Variants in INPP4B observed in about 807,000 individuals in gnomAD.
INPP4B encodes inositol polyphosphate-4-phosphatase type II B.
Under a neutral mutation model 122.5 loss-of-function variants are expected in INPP4B, and 55 were observed. The observed-to-expected ratio is 0.45, with a 90% confidence interval of 0.36 to 0.56. The LOEUF is 0.56. INPP4B is among the 20% of genes least tolerant of loss of function. The pLI, the probability that INPP4B is intolerant of heterozygous loss-of-function variation, is 0.00. For synonymous variants in INPP4B, 403 were observed against 388.7 expected (o/e 1.04, Z -0.43); for missense variants, 1,000 against 1,097.7 (o/e 0.91, Z 1.26).
intron 1 of INPP4B, among the ~76,000 whole-genome samples, chr4:142,790,528 C>T (rs1485263653): frequency 6.6e-6 from 1 of 151,972 alleles, no homozygotes; most frequent in African/African-American, 2.4e-5. Flanking sequence ...CCACCTTACT[C>T]CTGCAAAAAT....
Position 142,208,479 on chromosome 4 carries a change from C to T in INPP4B, c.1018G>A (p.Val340Ile). 3 of 1,601,876 alleles carry T rather than the reference C, an allele frequency of 1.9e-6. No homozygotes were observed. The highest frequency in any genetic ancestry group is 2.6e-6 in the Non-Finnish European group (3 of 1,173,902). ...CTTTGCAGATGTAGATTTATTGGAACAAATTCTAATGTTTTCTCTCCTTTG... is the reference window on the plus strand; with the variant it reads ...CTTTGCAGATGTAGATTTATTGGAATAAATTCTAATGTTTTCTCTCCTTTG... ...SSKGEKTLEF[V>I]PINLHLQRMQ... The change falls in exon 14 of 26, where the codon GTT (valine) becomes ATT (isoleucine). Residue 340 changes from valine to isoleucine, a missense_variant. By Grantham distance (29) the Val-to-Ile change is conservative. Transcript: ENST00000262992.
intron 7 of INPP4B, among the ~76,000 whole-genome samples, chr4:142,387,273 T>C (rs1378948988): frequency 6.6e-6 from 1 of 152,068 alleles, no homozygotes; most frequent in East Asian, 1.9e-4. Flanking sequence ...AGGTAGGAAA[T>C]GTCATTGGCT....
At chr4:142,335,904 C>G (rs1277260866) in intron 7 of INPP4B, among the ~76,000 whole-genome samples, 1 of 152,160 alleles carries the variant, frequency 6.6e-6, no homozygotes, top group Non-Finnish European at 1.5e-5. Flanking sequence ...AAAAAGACAG[C>G]CTGAAGCCTG....
At chr4:142,630,494 C>T (rs1747692620) in intron 2 of INPP4B, among the ~76,000 whole-genome samples, 1 of 152,012 alleles carries the variant, frequency 6.6e-6, no homozygotes, top group Non-Finnish European at 1.5e-5. Flanking sequence ...TGAATAAACT[C>T]TATTAAGGCT....
intron 7 of INPP4B, among the ~76,000 whole-genome samples, chr4:142,366,388 T>A (rs1373276522): frequency 6.6e-6 from 1 of 151,824 alleles, no homozygotes; most frequent in Non-Finnish European, 1.5e-5. Flanking sequence ...AAATTTTGCA[T>A]AAAATATTAA....
At chr4:142,671,265 T>C (rs1252739403) in intron 2 of INPP4B, among the ~76,000 whole-genome samples, 1 of 152,140 alleles carries the variant, frequency 6.6e-6, no homozygotes, top group Non-Finnish European at 1.5e-5. Context: ...GCAGCTATCA[T>C]CAGCCAATTT....
intron 25 of INPP4B, among the ~76,000 whole-genome samples, chr4:142,036,509 T>C (rs1744070922): frequency 6.6e-6 from 1 of 152,230 alleles, no homozygotes; most frequent in African/African-American, 2.4e-5. Context: ...TGAAAAGTAA[T>C]TTGAAAATAT....
At chr4:142,176,469 C>A (rs1053469282) in intron 15 of INPP4B, among the ~76,000 whole-genome samples, 7 of 152,072 alleles carry the variant, frequency 4.6e-5, no homozygotes, top group African/African-American at 1.4e-4. Flanking sequence ...TACTATTATT[C>A]TTTCCCAGAA....
At chr4:142,307,473 T>C (rs1023089755) in intron 8 of INPP4B, among the ~76,000 whole-genome samples, 2 of 152,208 alleles carry the variant, frequency 1.3e-5, no homozygotes, top group African/African-American at 4.8e-5. Context: ...ACACAGTAGG[T>C]ATCTGGTACA....
Position 142,718,842 on chromosome 4 carries a change from C to T in INPP4B, c.-191+6997G>A, listed in dbSNP as rs80115452. Among the ~76,000 whole-genome samples the T allele has an allele frequency of 3.5e-3, 527 of 152,208 alleles. 22 individuals are homozygous for T. The East Asian group carries it at 0.085, about 25-fold the overall frequency. On this transcript the variant is annotated intron_variant, in intron 2 of 25. Transcript: ENST00000262992. ...GCAAAACTCAGTAAGATTTAAGAAA[C>T]TCAGTGTTAATCTTATGAAGTTAAA... is the stretch of plus-strand genomic sequence containing the variant.
chr4:142,520,741 A>G (rs1825973267), intron 2 of INPP4B, among the ~76,000 whole-genome samples: 1 of 151,982 alleles, frequency 6.6e-6, no homozygotes. Flanking sequence ...TGATGCACTG[A>G]ATTTTATCTA....
chr4:142,201,955 A>C (rs546555131), intron 14 of INPP4B, among the ~76,000 whole-genome samples: 27 of 152,144 alleles, frequency 1.8e-4, no homozygotes, highest in African/African-American at 5.3e-4. Flanking sequence ...GATTTTTGTT[A>C]TCAAGAGACA....
At chr4:142,311,712 T>A (rs767292035) in intron 8 of INPP4B, among the ~76,000 whole-genome samples, 2 of 152,204 alleles carry the variant, frequency 1.3e-5, no homozygotes, top group Non-Finnish European at 2.9e-5. Context: ...GATTCTCTTC[T>A]AGCTAAGGAC....
intron 1 of INPP4B, among the ~76,000 whole-genome samples, chr4:142,744,192 G>T (rs1050101559): frequency 6.6e-6 from 1 of 151,908 alleles, no homozygotes; most frequent in Non-Finnish European, 1.5e-5. Context: ...AAATTCACTA[G>T]ATGAGTTTAA....
intron 1 of INPP4B, chr4:142,795,351 C>T (rs1451859700): frequency 6.6e-6 from 1 of 151,988 alleles, no homozygotes; most frequent in African/African-American, 2.4e-5. Flanking sequence ...CGGATGGGCA[C>T]TGGAGAAGCT....
intron 2 of INPP4B, among the ~76,000 whole-genome samples, chr4:142,544,464 T>C (rs551057855): frequency 3.9e-5 from 6 of 152,080 alleles, no homozygotes; most frequent in African/African-American, 1.4e-4. Context: ...GCAGTGCATT[T>C]CCCAAGTCAC....
chr4:142,103,662 AAATTG>A (rs2152661206), intron 23 of INPP4B, among the ~76,000 whole-genome samples: 1 of 152,262 alleles, frequency 6.6e-6, no homozygotes, highest in African/African-American at 2.4e-5. Flanking sequence ...TTGAGTCATT[AAATTG>A]AAAGATACTA....
chr4:142,585,196 A>G (rs1735905822), intron 2 of INPP4B, among the ~76,000 whole-genome samples: 1 of 152,034 alleles, frequency 6.6e-6, no homozygotes, highest in East Asian at 1.9e-4. Flanking sequence ...TTAGCCCTAG[A>G]CTCCAGCTAA....
At chr4:142,634,061 G>A (rs1263870826) in intron 2 of INPP4B, among the ~76,000 whole-genome samples, 1 of 151,660 alleles carries the variant, frequency 6.6e-6, no homozygotes, top group Non-Finnish European at 1.5e-5. Context: ...AAAAGGCAGG[G>A]GGCTGGAGGG....
Sources: gnomAD v4.1 joint callset for allele counts (sites outside exome capture counted in the v4.1 genomes callset) on GRCh38, gnomAD v4.1.1 for gene constraint, MANE v1.5 for transcripts, NCBI Gene and HGNC (gene_info 2026-07-23, HGNC 2026-07-21) for gene names.